SLC38A6: variants seen among roughly 807,000 people sequenced by gnomAD.
SLC38A6 encodes N system amino acid transporter NAT-1.
In SLC38A6, 73 loss-of-function variants were observed where a neutral mutation model predicts 65.0. That is an observed-to-expected ratio of 1.12 (90% CI 0.93 to 1.37). The LOEUF (loss-of-function observed/expected upper bound fraction) is 1.37, where lower values mean the gene tolerates loss of function less well. Among genes scored for constraint, SLC38A6 ranks in the 40% most tolerant of loss-of-function variants. The pLI is 0.00. For synonymous variants in SLC38A6, 183 were observed against 178.8 expected (o/e 1.02, Z -0.19); for missense variants, 561 against 531.1 (o/e 1.06, Z -0.55).
intron 3 of SLC38A6, among the ~76,000 whole-genome samples, chr14:61,000,731 G>C (rs1030661590): frequency 6.6e-6 from 1 of 152,122 alleles, no homozygotes; most frequent in African/African-American, 2.4e-5. Flanking sequence ...TCAATAAAGA[G>C]CTGACAGCCC....
Position 61,052,420 on chromosome 14 carries a change from T to A in SLC38A6, c.1362T>A (p.Ile454=), listed in dbSNP as rs1318043947. The change falls in exon 16 of 16, where the codon ATT becomes ATA. Residue 454 remains isoleucine, a synonymous_variant. Transcript: ENST00000267488. ...TAGCACTCATCATTTTTGATTGGATTAATAAATAAAAGAAATATTTTCCTA... is the reference window on the plus strand; with the variant it reads ...TAGCACTCATCATTTTTGATTGGATAAATAAATAAAAGAAATATTTTCCTA... ...FSLALIIFDW[I]NK is the part of the protein sequence containing the mutation. 6.4e-7 allele frequency: 1 copy of A among 1,559,372 alleles called. No individual in the cohort carries two copies. The highest frequency in any genetic ancestry group is 8.6e-7 in the Non-Finnish European group (1 of 1,157,178).
At chr14:61,038,436 A>C (rs1299476609) in intron 8 of SLC38A6, among the ~76,000 whole-genome samples, 1 of 152,112 alleles carries the variant, frequency 6.6e-6, no homozygotes, top group Non-Finnish European at 1.5e-5. Flanking sequence ...TCAGTATCTA[A>C]ATGTCAAACC....
chr14:60,989,393 A>G (rs1258180488), intron 3 of SLC38A6, among the ~76,000 whole-genome samples: 1 of 152,174 alleles, frequency 6.6e-6, no homozygotes, highest in Non-Finnish European at 1.5e-5. Context: ...TCTTTTGAAT[A>G]TGCCTCATGT....
chr14:61,050,908 C>G (rs983265592), intron 13 of SLC38A6, among the ~76,000 whole-genome samples: 2 of 152,078 alleles, frequency 1.3e-5, no homozygotes, highest in Non-Finnish European at 2.9e-5. Flanking sequence ...TATAGTTCTT[C>G]TAAAGTTTTG....
At chr14:61,036,551 T>A (rs913600825) in intron 6 of SLC38A6, among the ~76,000 whole-genome samples, 5 of 152,162 alleles carry the variant, frequency 3.3e-5, no homozygotes, top group African/African-American at 9.7e-5. Context: ...ATGGCACATG[T>A]ATACCTACGT....
At chr14:61,006,536 A>G (rs1037927508) in intron 3 of SLC38A6, among the ~76,000 whole-genome samples, 7 of 152,244 alleles carry the variant, frequency 4.6e-5, no homozygotes. Flanking sequence ...ATACTTCTCA[A>G]AAGAAGACAT....
chr14:61,027,844 GT>G (rs2040694916), intron 5 of SLC38A6, among the ~76,000 whole-genome samples: 1 of 151,968 alleles, frequency 6.6e-6, no homozygotes, highest in South Asian at 2.1e-4. Flanking sequence ...CTTAATCCGT[GT>G]GGGTTTTCCC....
chr14:61,054,680 G>C (rs1292780106), downstream of SLC38A6, among the ~76,000 whole-genome samples: 6 of 152,052 alleles, frequency 3.9e-5, no homozygotes, highest in Non-Finnish European at 8.8e-5. Context: ...TTGGTTATTG[G>C]TGGTGTATAG....
chr14:61,010,307 A>C (rs2039460909), intron 3 of SLC38A6, among the ~76,000 whole-genome samples: 1 of 151,712 alleles, frequency 6.6e-6, no homozygotes, highest in Non-Finnish European at 1.5e-5. Context: ...GGTTGCAAAA[A>C]TTTTCTCCCA....
At chr14:61,044,366 G>A (rs1035079239) in intron 10 of SLC38A6, among the ~76,000 whole-genome samples, 1 of 152,066 alleles carries the variant, frequency 6.6e-6, no homozygotes, top group Non-Finnish European at 1.5e-5. Flanking sequence ...TCTTTTACAT[G>A]GTAAAGACCT....
At chr14:61,027,841 C>T (rs924991367) in intron 5 of SLC38A6, among the ~76,000 whole-genome samples, 1 of 151,722 alleles carries the variant, frequency 6.6e-6, no homozygotes, top group Non-Finnish European at 1.5e-5. Context: ...TGGCTTAATC[C>T]GTGTGGGTTT....
At chr14:60,984,925 A>G in intron 3 of SLC38A6, 122 bp downstream of exon 3, 1 of 917,266 alleles carries the variant, frequency 1.1e-6, no homozygotes. Context: ...AGATAGGGTG[A>G]TCGGAATGGA....
intron 12 of SLC38A6, among the ~76,000 whole-genome samples, chr14:61,047,425 T>C (rs1300795521): frequency 1.3e-5 from 2 of 152,154 alleles, no homozygotes; most frequent in Non-Finnish European, 2.9e-5. Context: ...TTATAACAAT[T>C]CTGCAAGCTC....
intron 3 of SLC38A6, among the ~76,000 whole-genome samples, chr14:61,001,546 T>C (rs2038710091): frequency 6.6e-6 from 1 of 152,268 alleles, no homozygotes; most frequent in Non-Finnish European, 1.5e-5. Context: ...CACACACTTA[T>C]GCAGAACTTA....
At chr14:61,077,153 A>G (rs2043448286) in intron 15 of SLC38A6, among the ~76,000 whole-genome samples, 1 of 152,208 alleles carries the variant, frequency 6.6e-6, no homozygotes, top group Admixed American at 6.5e-5. Flanking sequence ...AAGGAAGGTT[A>G]TAACCTTTGT....
chr14:61,027,061 C>A (rs1018258239), intron 5 of SLC38A6, among the ~76,000 whole-genome samples: 8 of 152,092 alleles, frequency 5.3e-5, no homozygotes, highest in Non-Finnish European at 8.8e-5. Flanking sequence ...GATTTTACCC[C>A]ATTTTAGTCA....
rs369609062 is a variant in SLC38A6, at chr14:61,019,557, C to A, written c.380C>A (p.Thr127Asn). ...CTTTTACAGTTGGTGGTGGCAGGCACCATAATAATTCAGAATATTGGAGGT... is the reference window on the plus strand; with the variant it reads ...CTTTTACAGTTGGTGGTGGCAGGCAACATAATAATTCAGAATATTGGAGGT... ...GLPGKLVVAG[T>N]IIIQNIGAMS... Residue 127 changes from threonine to asparagine, a missense_variant, in exon 5 of 16, where the codon ACC becomes AAC. Thr to Asn is a moderately conservative substitution (Grantham distance 65). Transcript: ENST00000267488. The A allele has an allele frequency of 6.8e-6, 11 of 1,613,172 alleles. No homozygotes were observed. In the African/African-American group the frequency reaches 1.5e-4, roughly 22 times the overall value.
chr14:60,993,026 T>A (rs1483657897), intron 3 of SLC38A6, among the ~76,000 whole-genome samples: 1 of 152,132 alleles, frequency 6.6e-6, no homozygotes, highest in East Asian at 1.9e-4. Context: ...TTTGTATTTT[T>A]TAGTAGAGAC....
In SLC38A6 at chr14:61,032,748, A is replaced by G. The variant is rs984886146; in HGVS notation, c.482+2225A>G. On this transcript the variant is annotated intron_variant, in intron 6 of 15. Coordinates refer to ENST00000267488, the MANE Select transcript of SLC38A6 (RefSeq NM_153811.3). ...CTAGAAAATAAGTAAGAAACAAAATATGATAATTGACTTTACTATCCATAA... is the reference window on the plus strand; with the variant it reads ...CTAGAAAATAAGTAAGAAACAAAATGTGATAATTGACTTTACTATCCATAA... 2.0e-5 allele frequency among the ~76,000 whole-genome samples: 3 copies of G among 151,912 alleles called. 1 individual carries two copies. In the South Asian group the frequency reaches 6.2e-4, roughly 31 times the overall value.
Sources: gnomAD v4.1 joint callset for allele counts (sites outside exome capture counted in the v4.1 genomes callset) on GRCh38, gnomAD v4.1.1 for gene constraint, MANE v1.5 for transcripts, NCBI Gene and HGNC (gene_info 2026-07-23, HGNC 2026-07-21) for gene names.